The following SYT14 variants were observed in gnomAD, a reference collection of about 807,000 sequenced individuals.
SYT14 encodes synaptotagmin-14.
In SYT14, 32 loss-of-function variants were observed where a neutral mutation model predicts 74.2. The observed-to-expected ratio is 0.43, with a 90% CI of 0.33 to 0.58. The LOEUF (loss-of-function observed/expected upper bound fraction) is 0.58, where lower values mean the gene tolerates loss of function less well. Ranked by LOEUF, SYT14 falls within the 20% of genes least tolerant of loss-of-function variation. The pLI is 0.05. For synonymous variants in SYT14, 298 were observed against 337.7 expected, an observed-to-expected ratio of 0.88 and a Z score of 1.29; for missense variants, 791 against 981.8, an observed-to-expected ratio of 0.81 and a Z score of 2.60.
Position 210,013,867 on chromosome 1 carries a change from A to AT in SYT14, c.-321+71dup, listed in dbSNP as rs2080134854. 4 of 1,478,410 alleles carry AT rather than the reference A, an allele frequency of 2.7e-6. 1 individual carries two copies. In the South Asian group the frequency reaches 5.1e-5, roughly 19 times the overall value. 91.6% of individuals were successfully genotyped at this position (1,478,410 alleles called of 1,614,324 possible). ...TACTATTATTTACTTATTTTAATATATGCAATAAAAAGGTTGGTTGTGACA... is the reference window on the plus strand; with the variant it reads ...TACTATTATTTACTTATTTTAATATATTGCAATAAAAAGGTTGGTTGTGACA... On this transcript the variant is annotated intron_variant, in intron 3 of 9. Coordinates refer to ENST00000637265, the Ensembl canonical transcript of SYT14.
At chr1:210,003,505 A>G (rs985473819) in intron 2 of SYT14, among the ~76,000 whole-genome samples, 14 of 152,288 alleles carry the variant, frequency 9.2e-5, no homozygotes, top group Admixed American at 7.2e-4. Context: ...TGTTGTTCAT[A>G]TATCCGCTGC....
chr1:209,959,390 C>T (rs1057047927), intron 2 of SYT14, among the ~76,000 whole-genome samples: 11 of 152,066 alleles, frequency 7.2e-5, no homozygotes, highest in South Asian at 4.1e-4. Flanking sequence ...GCAATCTGCC[C>T]GCCTTGGCCT....
chr1:210,128,491 ATCT>A (rs2082613735), intron 7 of SYT14, among the ~76,000 whole-genome samples: 1 of 152,148 alleles, frequency 6.6e-6, no homozygotes, highest in South Asian at 2.1e-4. Context: ...TTTTCCTTTC[ATCT>A]TCTTTTAATA....
At chr1:209,941,341 A>G (rs182804936) in intron 1 of SYT14, among the ~76,000 whole-genome samples, 1 of 152,294 alleles carries the variant, frequency 6.6e-6, no homozygotes, top group Non-Finnish European at 1.5e-5. Flanking sequence ...CAAAGTTACA[A>G]TTTTTGAAAG....
intron 2 of SYT14, among the ~76,000 whole-genome samples, chr1:209,963,152 C>T (rs1181428594): frequency 6.6e-6 from 1 of 152,122 alleles, no homozygotes; most frequent in Non-Finnish European, 1.5e-5. Context: ...GGGAGGTGAT[C>T]TAGGCATTCT....
intron 7 of SYT14, among the ~76,000 whole-genome samples, chr1:210,119,817 A>T (rs1461957091): frequency 1.3e-5 from 2 of 152,218 alleles, no homozygotes; most frequent in Non-Finnish European, 2.9e-5. Flanking sequence ...TCCATAGTAC[A>T]CATGTTAGAA....
chr1:210,109,189 G>A (rs554747184), intron 7 of SYT14, among the ~76,000 whole-genome samples: 8 of 151,888 alleles, frequency 5.3e-5, no homozygotes, highest in African/African-American at 1.7e-4. Flanking sequence ...GCCAACAAAC[G>A]TATGAAAAAA....
rs561437144 is a variant in SYT14 at position 209,975,904 on chromosome 1, A to G, written c.-486+23148A>G. ...GAGCCAGTTGTTGGTCTATTCAGAGATTCAACTTTTTGCTGATTTAGTCTT... is the reference window on the plus strand; with the variant it reads ...GAGCCAGTTGTTGGTCTATTCAGAGGTTCAACTTTTTGCTGATTTAGTCTT... On this transcript the variant is annotated intron_variant, in intron 2 of 9. Transcript: ENST00000637265. Among the ~76,000 whole-genome samples, 6 of 152,310 alleles carry G rather than the reference A, an allele frequency of 3.9e-5. No individual in the cohort carries two copies. The South Asian group carries it at 8.3e-4, about 21-fold the overall frequency.
intron 5 of SYT14, among the ~76,000 whole-genome samples, chr1:210,084,436 G>A (rs1396525931): frequency 6.6e-6 from 1 of 152,184 alleles, no homozygotes; most frequent in African/African-American, 2.4e-5. Flanking sequence ...GTAGGATTTA[G>A]TTCTCGATTC....
chr1:210,091,087 A>G (rs2081857797), intron 5 of SYT14, among the ~76,000 whole-genome samples: 1 of 152,206 alleles, frequency 6.6e-6, no homozygotes, highest in Non-Finnish European at 1.5e-5. Flanking sequence ...AGTGAAGTCT[A>G]CCCATTGAGC....
At chr1:210,021,360 T>A (rs1339543010) in intron 5 of SYT14, 106 bp downstream of exon 4, 1 of 1,017,460 alleles carries the variant, frequency 9.8e-7, no homozygotes, top group Non-Finnish European at 1.5e-6. Context: ...AGAGAGCACA[T>A]ACAGTACAGT....
intron 2 of SYT14, among the ~76,000 whole-genome samples, chr1:209,981,454 T>C (rs866992445): frequency 4.9e-4 from 69 of 139,454 alleles, no homozygotes; most frequent in Admixed American, 1.3e-3. Flanking sequence ...TCTTTTCTTT[T>C]TTTTTTTTTT....
intron 5 of SYT14, among the ~76,000 whole-genome samples, chr1:210,043,238 T>C (rs1335332044): frequency 6.6e-6 from 1 of 152,180 alleles, no homozygotes; most frequent in African/African-American, 2.4e-5. Context: ...TGAAGCTACA[T>C]GTGGTGTGTA....
rs549403785 is a variant in SYT14, at chr1:210,016,700, G to T, written c.697G>T (p.Val233Leu). ...GGAGGAATATTCTAAATCTCGACATGTATATTTGGGAAGAGATCAAGAGAA... is the reference window on the plus strand; with the variant it reads ...GGAGGAATATTCTAAATCTCGACATTTATATTTGGGAAGAGATCAAGAGAA... The change falls in exon 4 of 10, where the codon GTA becomes TTA. Residue 233 changes from valine to leucine, a missense_variant. Coordinates refer to ENST00000637265, the Ensembl canonical transcript of SYT14. 1.8e-5 allele frequency: 22 copies of T among 1,231,824 alleles called. No individual in the cohort carries two copies. In the East Asian group the frequency reaches 6.6e-4, roughly 37 times the overall value. 76.3% of individuals were successfully genotyped at this position (1,231,824 alleles called of 1,614,324 possible).
At chr1:210,037,486 C>A (rs2080691204) in intron 5 of SYT14, among the ~76,000 whole-genome samples, 1 of 147,984 alleles carries the variant, frequency 6.8e-6, no homozygotes, top group Non-Finnish European at 1.5e-5. Flanking sequence ...GGTTTTCTCA[C>A]TCCTTAAAGT....
exon 10 of SYT14, chr1:210,162,486 T>C (rs2083393265): frequency 2.9e-6 from 1 of 346,922 alleles, no homozygotes; most frequent in Non-Finnish European, 5.5e-6. Context: ...TTACCTAATA[T>C]ATCATTTTAT....
At chr1:210,155,895 G>A in exon 8 of SYT14, 1 of 1,614,070 alleles carries the variant, frequency 6.2e-7, no homozygotes, top group Non-Finnish European at 8.5e-7. Flanking sequence ...AAATTTGGCA[G>A]CAAACAGACC....
intron 7 of SYT14, among the ~76,000 whole-genome samples, chr1:210,111,479 C>T (rs1572322780): frequency 6.6e-6 from 1 of 151,136 alleles, no homozygotes; most frequent in Admixed American, 6.6e-5. Flanking sequence ...AAAAATAAAA[C>T]AAAATACTGT....
chr1:210,006,897 A>G (rs2079998030), intron 2 of SYT14, among the ~76,000 whole-genome samples: 1 of 151,846 alleles, frequency 6.6e-6, no homozygotes. Flanking sequence ...ATTTTCATGT[A>G]TATCCTAGCA....
Sources: gnomAD v4.1 joint callset for allele counts (sites outside exome capture counted in the v4.1 genomes callset) on GRCh38, gnomAD v4.1.1 for gene constraint, MANE v1.5 for transcripts, NCBI Gene and HGNC (gene_info 2026-07-23, HGNC 2026-07-21) for gene names.